AOX1: variants seen among roughly 807,000 people sequenced by gnomAD.
AOX1 encodes the protein aldehyde oxidase.
In AOX1, 153 loss-of-function variants were observed where a neutral mutation model predicts 169.5. The ratio of observed to expected loss-of-function variants is 0.90; its 90% confidence interval spans 0.79 to 1.03. The LOEUF is 1.03. Among genes scored for constraint, AOX1 ranks in the 50% least tolerant of loss-of-function variants. The pLI is 0.00. For synonymous variants in AOX1, 562 were observed against 581.9 expected, an observed-to-expected ratio of 0.97 and a Z score of 0.49; for missense variants, 1,656 against 1,663.9, an observed-to-expected ratio of 1.00 and a Z score of 0.08.
chr2:200,652,849 G>A lies in AOX1; in HGVS notation c.3075+1648G>A, dbSNP rs559842530. ...GGAGGCCAAGACAGGAGAATTGCTT[G>A]AGGCCAGAAGTTTGAAACCAGCCTG... On this transcript the variant is annotated intron_variant, in intron 26 of 34. Coordinates refer to ENST00000374700, the MANE Select transcript of AOX1 (RefSeq NM_001159.4). 2.0e-5 allele frequency among the ~76,000 whole-genome samples: 3 copies of A among 152,320 alleles called. 1 individual carries two copies. In the South Asian group the frequency reaches 6.2e-4, roughly 32 times the overall value.
In AOX1 at chr2:200,595,001, C is replaced by T. The variant is rs186292005; in HGVS notation, c.104-271C>T. The stretch of plus-strand genomic sequence containing the variant: ...CAAGTGCTTACACATATAGACTCTT[C>T]TTTTTTCAGTTCAGCCCTATTTTTG... On this transcript the variant is annotated intron_variant, in intron 2 of 34. Transcript: ENST00000374700. 3.1e-3 allele frequency among the ~76,000 whole-genome samples: 470 copies of T among 152,246 alleles called. 2 individuals are homozygous for T. Among genetic ancestry groups the T allele is most frequent in the Non-Finnish European group, 5.1e-3 (344 of 68,020 alleles).
rs756862936 is a variant in AOX1, at chr2:200,602,330, C to T, written c.483C>T (p.Cys161=). Residue 161 remains cysteine (C), a synonymous_variant, in exon 6 of 35, where the codon TGC becomes TGT. Coordinates refer to ENST00000374700, the MANE Select transcript of AOX1 (RefSeq NM_001159.4). ...GATACAGGCCCATAATTGATGCATG[C>T]AAGACTTTCTGTAAAGTAAGTGGAA... is the stretch of plus-strand genomic sequence containing the variant. ...CTGYRPIIDA[C]KTFCKTSGCC... The T allele has an allele frequency of 6.2e-6, 10 of 1,613,574 alleles. No individual in the cohort carries two copies. In the African/African-American group the frequency reaches 1.2e-4, roughly 19 times the overall value.
At chr2:200,613,744 G>C (rs1358678600) in intron 14 of AOX1, 60 bp from the exon 15 acceptor site, 1 of 1,487,810 alleles carries the variant, frequency 6.7e-7, no homozygotes, top group African/African-American at 1.4e-5. Context: ...TTACCCATTA[G>C]ATGAAGATAT....
intron 1 of AOX1, among the ~76,000 whole-genome samples, chr2:200,589,977 A>G (rs2034134306): frequency 6.6e-6 from 1 of 152,184 alleles, no homozygotes; most frequent in South Asian, 2.1e-4. Context: ...AGCAACCTAA[A>G]GCTCAGGAAG....
At chr2:200,611,637 A>G in intron 13 of AOX1, 144 bp downstream of exon 13, 1 of 611,632 alleles carries the variant, frequency 1.6e-6, no homozygotes, top group Non-Finnish European at 2.9e-6. Flanking sequence ...TGAGGTCATT[A>G]TTTTAAGACT....
chr2:200,641,008 T>A, intron 23 of AOX1, 90 bp from the exon 24 acceptor site: 1 of 832,122 alleles, frequency 1.2e-6, no homozygotes, highest in Non-Finnish European at 2.1e-6. Context: ...GTCATGACGC[T>A]TTTCCCCTAT....
intron 31 of AOX1, 149 bp downstream of exon 31, chr2:200,663,118 TC>T: frequency 1.6e-6 from 1 of 617,470 alleles, no homozygotes; most frequent in Non-Finnish European, 2.9e-6. Flanking sequence ...GAAAATAGAA[TC>T]CCCACAATTG....
chr2:200,674,619 A>G (rs1004606064), downstream of AOX1, among the ~76,000 whole-genome samples: 1 of 152,224 alleles, frequency 6.6e-6, no homozygotes, highest in African/African-American at 2.4e-5. Flanking sequence ...TCTGTCATCC[A>G]TCACCCCAGT....
At chr2:200,606,535 T>A (rs998733848) in intron 10 of AOX1, among the ~76,000 whole-genome samples, 2 of 152,220 alleles carry the variant, frequency 1.3e-5, no homozygotes, top group Non-Finnish European at 2.9e-5. Context: ...AATGGTAGCT[T>A]GATGGGGATA....
chr2:200,601,091 T>TTTTTG (rs1553567016), intron 5 of AOX1, among the ~76,000 whole-genome samples: 1 of 139,714 alleles, frequency 7.2e-6, no homozygotes, highest in African/African-American at 2.6e-5. Flanking sequence ...TTTTTTTTTT[T>TTTTTG]GTCACAGTAA....
chr2:200,643,552 G>T (rs2347865), intron 25 of AOX1, among the ~76,000 whole-genome samples: 12,532 of 151,994 alleles, frequency 0.082, 944 homozygotes, highest in East Asian at 0.25. Context: ...ATAACAACTT[G>T]TTTTCCTCTG....
chr2:200,614,381 A>G (rs1003699377), intron 15 of AOX1, among the ~76,000 whole-genome samples: 3 of 152,214 alleles, frequency 2.0e-5, no homozygotes, highest in African/African-American at 4.8e-5. Flanking sequence ...TAAGGTGGCC[A>G]TGATGGCAGC....
At chr2:200,652,091 A>C (rs2035591072) in intron 26 of AOX1, among the ~76,000 whole-genome samples, 1 of 152,160 alleles carries the variant, frequency 6.6e-6, no homozygotes, top group African/African-American at 2.4e-5. Context: ...ATGGCAGGGT[A>C]GGGGAGCTTC....
chr2:200,615,821 G>A, intron 15 of AOX1, 150 bp from the exon 16 acceptor site: 1 of 608,892 alleles, frequency 1.6e-6, no homozygotes, highest in South Asian at 2.0e-5. Flanking sequence ...GGAGCTGCTT[G>A]TATTTCTGGG....
chr2:200,676,820 A>T (rs1003099544), intron 4 of AOX1: 2 of 447,772 alleles, frequency 4.5e-6, no homozygotes, highest in African/African-American at 4.1e-5. Context: ...GAACACACTC[A>T]GGAAGCAGAT....
At chr2:200,635,006 G>A (rs1426943525) in intron 21 of AOX1, 91 bp downstream of exon 21, 26 of 1,508,722 alleles carry the variant, frequency 1.7e-5, no homozygotes, top group Non-Finnish European at 2.2e-5. Context: ...AGTATATTTG[G>A]GAATTTGAGG....
At chr2:200,591,997 A>G (rs2034183029) in intron 1 of AOX1, among the ~76,000 whole-genome samples, 1 of 152,206 alleles carries the variant, frequency 6.6e-6, no homozygotes, top group South Asian at 2.1e-4. Context: ...AAAATAGCTC[A>G]GGTTTTTTAG....
intron 2 of AOX1, among the ~76,000 whole-genome samples, chr2:200,594,273 G>A (rs1457388590): frequency 6.6e-6 from 1 of 152,186 alleles, no homozygotes; most frequent in Non-Finnish European, 1.5e-5. Flanking sequence ...ATAGCACTAA[G>A]CCATTGGTGG....
chr2:200,623,712 T>C (rs3795968), intron 18 of AOX1, 149 bp from the exon 19 acceptor site: 410,205 of 1,198,010 alleles, frequency 0.34, 72,161 homozygotes, highest in South Asian at 0.4. Context: ...GCTGTGGTTA[T>C]AGTCATGGAC....
Sources: allele counts gnomAD v4.1 joint callset (sites outside exome capture counted in the v4.1 genomes callset), GRCh38; gene constraint gnomAD v4.1.1; transcripts MANE v1.5; gene names NCBI Gene and HGNC (gene_info 2026-07-23, HGNC 2026-07-21).